SLC36A1: variants seen among roughly 807,000 people sequenced by gnomAD.
SLC36A1 encodes the protein proton-coupled amino acid transporter 1.
In SLC36A1, 30 loss-of-function variants were observed where a neutral mutation model predicts 47.5. The ratio of observed to expected loss-of-function variants is 0.63; its 90% CI spans 0.47 to 0.86. SLC36A1 has a LOEUF of 0.86. SLC36A1 is among the 40% of genes least tolerant of loss of function. SLC36A1 has a pLI of 0.00. For missense variants in SLC36A1, 517 were observed against 606.0 expected, an observed-to-expected ratio of 0.85 and a Z score of 1.54; for synonymous variants, 255 against 249.7, an observed-to-expected ratio of 1.02 and a Z score of -0.20.
the SLC36A1 span, chr5:151,546,134 A>T: frequency 6.2e-7 from 1 of 1,614,174 alleles, no homozygotes. Context: ...TCTACAAAGT[A>T]CTCAGATTTT....
chr5:151,345,520 A>G, the SLC36A1 span, among the ~76,000 whole-genome samples: 1 of 152,196 alleles, frequency 6.6e-6, no homozygotes, highest in Non-Finnish European at 1.5e-5. Context: ...CTCTGTACAT[A>G]GATTCATCAA....
At chr5:151,391,335 T>A in the SLC36A1 span, among the ~76,000 whole-genome samples, 2 of 152,186 alleles carry the variant, frequency 1.3e-5, no homozygotes, top group African/African-American at 4.8e-5. Flanking sequence ...TACACAATCA[T>A]GTCATCTGCA....
chr5:151,426,270 G>A, the SLC36A1 span, among the ~76,000 whole-genome samples: 1 of 152,158 alleles, frequency 6.6e-6, no homozygotes, highest in Middle Eastern at 3.4e-3. Context: ...GGGCCCAGGG[G>A]ACCGGTGCTC....
the SLC36A1 span, among the ~76,000 whole-genome samples, chr5:151,516,877 A>G: frequency 6.6e-6 from 1 of 152,086 alleles, no homozygotes; most frequent in Non-Finnish European, 1.5e-5. Flanking sequence ...ATGCCGAGGC[A>G]GGCGGATCAC....
chr5:151,455,147 G>C (rs1343602626), intron 1 of SLC36A1, among the ~76,000 whole-genome samples: 2 of 152,192 alleles, frequency 1.3e-5, no homozygotes, highest in African/African-American at 4.8e-5. Flanking sequence ...GGATGGAGCA[G>C]ATGTCCACTT....
chr5:151,463,783 G>A (rs1285127927), intron 3 of SLC36A1, 140 bp downstream of exon 3: 6 of 685,688 alleles, frequency 8.8e-6, no homozygotes, highest in African/African-American at 1.8e-5. Context: ...GCGGAATTCA[G>A]ACATTCATTC....
rs938662412 is a variant in SLC36A1 at position 151,476,585 on chromosome 5, C to T, written c.823-5C>T. 1.3e-6 allele frequency: 2 copies of T among 1,559,474 alleles called. No individual in the cohort carries two copies. The highest frequency in any genetic ancestry group is 3.9e-5 in the Admixed American group (2 of 50,838). ...TTTCTCTCCTCTCTCACTACTCTCTCATAGGTTCTGCCCCTGGAAAACAAA... is the reference window on the plus strand; with the variant it reads ...TTTCTCTCCTCTCTCACTACTCTCTTATAGGTTCTGCCCCTGGAAAACAAA... On this transcript the variant is annotated splice_polypyrimidine_tract_variant and splice_region_variant and intron_variant, in intron 8 of 10. Coordinates refer to ENST00000243389, the MANE Select transcript of SLC36A1 (RefSeq NM_078483.4).
chr5:151,525,751 C>T, the SLC36A1 span: 6 of 1,613,980 alleles, frequency 3.7e-6, no homozygotes, highest in East Asian at 1.3e-4. Flanking sequence ...CCACCAGAAG[C>T]CTAGCACAGC....
the SLC36A1 span, among the ~76,000 whole-genome samples, chr5:151,423,188 G>A: frequency 1.3e-5 from 2 of 152,174 alleles, no homozygotes; most frequent in Admixed American, 1.3e-4. Flanking sequence ...GCTGGTTCGG[G>A]AATGCAAAAT....
chr5:151,545,397 G>A, the SLC36A1 span: 1 of 1,614,148 alleles, frequency 6.2e-7, no homozygotes, highest in Non-Finnish European at 8.5e-7. Context: ...CATCAGCATT[G>A]CCAGTTTTGA....
At chr5:151,447,532 A>AG (rs1362727886), upstream of SLC36A1, 1 of 152,262 alleles carries the variant, frequency 6.6e-6, no homozygotes, top group Non-Finnish European at 1.5e-5. Flanking sequence ...GAGCTCAGTG[A>AG]GAAAAAAGGC....
At chr5:151,460,701 A>G (rs1403363658) in intron 2 of SLC36A1, among the ~76,000 whole-genome samples, 1 of 151,958 alleles carries the variant, frequency 6.6e-6, no homozygotes, top group Non-Finnish European at 1.5e-5. Context: ...CATGCCAGGT[A>G]TGATTAAGGT....
the SLC36A1 span, among the ~76,000 whole-genome samples, chr5:151,357,955 A>C: frequency 6.6e-6 from 1 of 152,222 alleles, no homozygotes; most frequent in Non-Finnish European, 1.5e-5. Flanking sequence ...CAAGACCAGA[A>C]TAGGTTCAGA....
At chr5:151,476,557 C>A in intron 8 of SLC36A1, 33 bp from the exon 9 acceptor site, 1 of 1,399,964 alleles carries the variant, frequency 7.1e-7, no homozygotes, top group Non-Finnish European at 9.4e-7. Context: ...CTTTTTTCTG[C>A]ACTTTCTCTC....
upstream of SLC36A1, among the ~76,000 whole-genome samples, chr5:151,435,418 G>A (rs1759710645): frequency 6.6e-6 from 1 of 152,136 alleles, no homozygotes; most frequent in Non-Finnish European, 1.5e-5. Flanking sequence ...TTCAGAAGAA[G>A]ATCTGAGATG....
At chr5:151,521,309 G>T in the SLC36A1 span, 1 of 1,611,920 alleles carries the variant, frequency 6.2e-7, no homozygotes, top group Non-Finnish European at 8.5e-7. Context: ...AGGTGGTGCC[G>T]CGGGGTTAGG....
At chr5:151,531,117 CTCTT>C in the SLC36A1 span, among the ~76,000 whole-genome samples, 7 of 152,126 alleles carry the variant, frequency 4.6e-5, no homozygotes, top group Non-Finnish European at 1.0e-4. This position sits in a 1 kb window ranked among gnomAD's most constrained non-coding sequence, Gnocchi z 5.7. Context: ...AGTTCTCTCT[CTCTT>C]CAAGAGAATA....
At chr5:151,512,730 T>C in the SLC36A1 span, 9 of 867,450 alleles carry the variant, frequency 1.0e-5, no homozygotes, top group Non-Finnish European at 1.4e-5. The surrounding 1 kb of genome is among the most constrained non-coding windows in gnomAD (Gnocchi z 4.1). Flanking sequence ...TTTGGCTGTT[T>C]TAGACATGGC....
At chr5:151,519,556 A>G in the SLC36A1 span, among the ~76,000 whole-genome samples, 1 of 152,294 alleles carries the variant, frequency 6.6e-6, no homozygotes, top group South Asian at 2.1e-4. Flanking sequence ...GCACGTGGAA[A>G]TATGTATTTT....
Sources: allele counts gnomAD v4.1 joint callset (sites outside exome capture counted in the v4.1 genomes callset), GRCh38; gene constraint gnomAD v4.1.1; non-coding constraint Gnocchi (gnomAD v3.1); transcripts MANE v1.5; gene names NCBI Gene and HGNC (gene_info 2026-07-23, HGNC 2026-07-21).